Variants in TBC1D9 observed in about 807,000 individuals in gnomAD.
TBC1D9 encodes TBC1 domain family member 9A.
TBC1D9 carries 63 observed loss-of-function variants against 132.0 expected under a neutral mutation model. That is an observed-to-expected ratio of 0.48 (90% confidence interval 0.39 to 0.59). The LOEUF is 0.59. Among genes scored for constraint, TBC1D9 ranks in the 20% least tolerant of loss-of-function variants. TBC1D9 has a pLI of 0.00. For missense variants in TBC1D9, 1,261 were observed against 1,592.7 expected, an observed-to-expected ratio of 0.79 and a Z score of 3.54; for synonymous variants, 610 against 609.9, an observed-to-expected ratio of 1.00 and a Z score of 0.00.
At chr4:140,754,423 G>C (rs1738971890) in intron 1 of TBC1D9, among the ~76,000 whole-genome samples, 1 of 151,890 alleles carries the variant, frequency 6.6e-6, no homozygotes, top group Non-Finnish European at 1.5e-5. Flanking sequence ...AGACCAGCCT[G>C]GCCAACATGG....
intron 2 of TBC1D9, among the ~76,000 whole-genome samples, chr4:140,686,776 G>A (rs1206314735): frequency 6.6e-6 from 1 of 152,170 alleles, no homozygotes; most frequent in Non-Finnish European, 1.5e-5. Context: ...CTAGAGTTTA[G>A]CACATCCCTC....
At position 140,646,643 on chromosome 4, in the gene TBC1D9, T is replaced by A. The variant is rs564329042; in HGVS notation, c.2338-7215A>T. Among the ~76,000 whole-genome samples the A allele has an allele frequency of 3.3e-5, 5 of 152,330 alleles. No homozygotes were observed. In the East Asian group the frequency reaches 9.6e-4, roughly 29 times the overall value. ...TATGCCTTTCTAGTACCTTTTACTT[T>A]CTGTTTTGGAAGGACTAATCCAGGG... On this transcript the variant is annotated intron_variant, in intron 13 of 20. Coordinates refer to ENST00000442267, the MANE Select transcript of TBC1D9 (RefSeq NM_015130.3).
Position 140,676,904 on chromosome 4 carries a change from G to A in TBC1D9, c.1049C>T (p.Pro350Leu), listed in dbSNP as rs1737633621. The A allele has an allele frequency of 3.1e-6, 5 of 1,613,740 alleles. No homozygotes were observed. Among genetic ancestry groups the A allele is most frequent in the East Asian group, 2.2e-5 (1 of 44,900 alleles). ...TTATCAGATACTTACCTCACGGAGC[G>A]GGATAATGAGGCTACATAAGTTCTC... ...KEENLCSLIIPLREVTIVEKA... is the reference protein window; with the variant it reads ...KEENLCSLIILLREVTIVEKA... The change falls in exon 6 of 21, where the codon CCG becomes CTG. Residue 350 changes from proline (P) to leucine (L), a missense_variant. Transcript: ENST00000442267.
intron 13 of TBC1D9, among the ~76,000 whole-genome samples, chr4:140,652,073 T>C (rs1737195075): frequency 6.6e-6 from 1 of 151,950 alleles, no homozygotes; most frequent in African/African-American, 2.4e-5. Flanking sequence ...ACCCCATCTC[T>C]ACCAAAAATA....
chr4:140,658,547 T>A (rs9631767), intron 11 of TBC1D9, among the ~76,000 whole-genome samples: 18,715 of 151,852 alleles, frequency 0.12, 1,174 homozygotes, highest in Middle Eastern at 0.18. Flanking sequence ...TTAAAAAAAA[T>A]AATAATAATC....
At chr4:140,681,451 G>A (rs1319031560) in intron 3 of TBC1D9, among the ~76,000 whole-genome samples, 1 of 152,150 alleles carries the variant, frequency 6.6e-6, no homozygotes, top group Non-Finnish European at 1.5e-5. Context: ...GCAGGAGAAA[G>A]GGCTTCAGTC....
At chr4:140,667,931 C>T (rs1737473947) in intron 9 of TBC1D9, among the ~76,000 whole-genome samples, 1 of 152,080 alleles carries the variant, frequency 6.6e-6, no homozygotes, top group Non-Finnish European at 1.5e-5. Flanking sequence ...AAAGGCTTTC[C>T]TGTGAGTCGT....
intron 1 of TBC1D9, among the ~76,000 whole-genome samples, chr4:140,750,191 C>A (rs1738899134): frequency 6.6e-6 from 1 of 151,244 alleles, no homozygotes; most frequent in Non-Finnish European, 1.5e-5. Context: ...AATCACCATA[C>A]TTAACAATGA....
chr4:140,659,178 C>G (rs1314785582), intron 11 of TBC1D9, among the ~76,000 whole-genome samples: 1 of 152,168 alleles, frequency 6.6e-6, no homozygotes, highest in African/African-American at 2.4e-5. Context: ...ACCTAGCTTT[C>G]AATAAACCTC....
chr4:140,620,916 T>A lies in TBC1D9; in HGVS notation c.*1279A>T, dbSNP rs912364766. The A allele has an allele frequency of 6.6e-6, 1 of 152,454 alleles. No homozygotes were observed. Among genetic ancestry groups the A allele is most frequent in the South Asian group, 2.1e-4 (1 of 4,828 alleles). The allele number at this position is 152,454 out of a possible 1,614,324, so 9.4% of individuals were successfully genotyped here. A position where few individuals can be genotyped will look rare whatever the true frequency, so the allele number is the denominator to read the frequency against. Reference sequence around the variant, plus strand: ...AGCAATAGCTAAAAAAAGGACACAATGTATAATAAAATAAAGGAATGTGTT... The same window carrying A: ...AGCAATAGCTAAAAAAAGGACACAAAGTATAATAAAATAAAGGAATGTGTT... On this transcript the variant is annotated 3_prime_UTR_variant, in exon 21 of 21. Coordinates refer to ENST00000442267, the MANE Select transcript of TBC1D9 (RefSeq NM_015130.3).
intron 1 of TBC1D9, chr4:140,715,945 G>A (rs999585382): frequency 2.6e-5 from 4 of 152,108 alleles, no homozygotes; most frequent in African/African-American, 9.7e-5. Flanking sequence ...AAACACCCTG[G>A]CACCAACAAG....
chr4:140,623,031 C>A (rs1211947357), intron 20 of TBC1D9, 114 bp from the exon 21 acceptor site: 1 of 1,304,426 alleles, frequency 7.7e-7, no homozygotes, highest in Non-Finnish European at 1.0e-6. Context: ...CTGGAAAGTC[C>A]TCCGCCTAGG....
chr4:140,624,236 A>G lies in TBC1D9; in HGVS notation c.2975-17T>C, dbSNP rs1023856744. 1 of 1,611,152 alleles carries G rather than the reference A, an allele frequency of 6.2e-7. No homozygotes were observed. Among genetic ancestry groups the G allele is most frequent in the Admixed American group, 1.7e-5 (1 of 59,664 alleles). On this transcript the variant is annotated splice_polypyrimidine_tract_variant and intron_variant, in intron 19 of 20. Transcript: ENST00000442267. ...CTCTCTTCCCTACAACCCAAATGTCAAGAAATAAGTGCTTACAGGCCAAAA... is the reference window on the plus strand; with the variant it reads ...CTCTCTTCCCTACAACCCAAATGTCGAGAAATAAGTGCTTACAGGCCAAAA...
rs779677243 is a variant in TBC1D9 at position 140,634,132 on chromosome 4, A to G, written c.2562T>C (p.His854=). ...GTTCCAGGTAGGGCAGGCTGGGGTC[A>G]TGCCGGTCCAGCGCGTTGCTGCTCC... The part of the protein sequence containing the change: ...WGGSSNALDR[H]DPSLPYLEQY... The change falls in exon 16 of 21, where the codon CAT becomes CAC. Residue 854 remains histidine (H), a synonymous_variant. Coordinates refer to ENST00000442267, the MANE Select transcript of TBC1D9 (RefSeq NM_015130.3). 2 of 1,613,988 alleles carry G rather than the reference A, an allele frequency of 1.2e-6. No individual in the cohort carries two copies. The highest frequency in any genetic ancestry group is 2.2e-5 in the South Asian group (2 of 91,086).
At chr4:140,692,527 CTT>C (rs1252545412) in intron 2 of TBC1D9, among the ~76,000 whole-genome samples, 2 of 152,120 alleles carry the variant, frequency 1.3e-5, no homozygotes, top group African/African-American at 4.8e-5. Flanking sequence ...AAATTACAAA[CTT>C]ATATTCAGAG....
At chr4:140,628,495 G>A in intron 16 of TBC1D9, 130 bp from the exon 17 acceptor site, 1 of 800,846 alleles carries the variant, frequency 1.2e-6, no homozygotes, top group Non-Finnish European at 2.1e-6. Context: ...GGCCTGGCCA[G>A]GACCTGTTTG....
intron 13 of TBC1D9, among the ~76,000 whole-genome samples, chr4:140,656,660 T>C (rs1737276962): frequency 6.6e-6 from 1 of 152,248 alleles, no homozygotes; most frequent in Non-Finnish European, 1.5e-5. Context: ...CAATGTACTT[T>C]CATGCTTTCC....
intron 1 of TBC1D9, among the ~76,000 whole-genome samples, chr4:140,702,519 GC>G (rs1264314123): frequency 6.6e-6 from 1 of 152,200 alleles, no homozygotes; most frequent in African/African-American, 2.4e-5. Flanking sequence ...AGGCACTCCA[GC>G]CATGCGGAGA....
Position 140,755,956 on chromosome 4 carries a change from C to T in TBC1D9, c.90G>A (p.Lys30=). ...ANPYFILQRR[K]GHAGDGGGGG... ...CGCCGCCTCCATCGCCGGCGTGGCC[C>T]TTCCTCCGCTGCAGGATGAAGTATG... The change falls in exon 1 of 21, where the codon AAG becomes AAA. Residue 30 remains lysine (K), a synonymous_variant. Transcript: ENST00000442267. 1 of 1,601,016 alleles carries T rather than the reference C, an allele frequency of 6.2e-7. No homozygotes were observed. The highest frequency in any genetic ancestry group is 2.3e-5 in the East Asian group (1 of 44,248).
Sources: allele counts gnomAD v4.1 joint callset (sites outside exome capture counted in the v4.1 genomes callset), GRCh38; gene constraint gnomAD v4.1.1; transcripts MANE v1.5; gene names NCBI Gene and HGNC (gene_info 2026-07-23, HGNC 2026-07-21).